The following CNTNAP3 variants were observed in gnomAD, a reference collection of about 807,000 sequenced individuals.
The protein encoded by CNTNAP3 is contactin associated protein family member 3, also known as contactin-associated protein-like 3.
In CNTNAP3, 36 loss-of-function variants were observed where a neutral mutation model predicts 92.1. The ratio of observed to expected loss-of-function variants is 0.39; its 90% CI spans 0.30 to 0.52. CNTNAP3 has a LOEUF of 0.52. CNTNAP3 is among the 20% of genes least tolerant of loss of function. The pLI, the probability that CNTNAP3 is intolerant of heterozygous loss-of-function variation, is 0.76. For synonymous variants in CNTNAP3, 232 were observed against 422.3 expected, an observed-to-expected ratio of 0.55 and a Z score of 5.53; for missense variants, 534 against 1,069.6, an observed-to-expected ratio of 0.50 and a Z score of 6.98.
rs1434270207 is a variant in CNTNAP3 at position 39,067,113 on chromosome 9, C to T, written c.*6777G>A. Among the ~76,000 whole-genome samples, 1 of 152,238 alleles carries T rather than the reference C, an allele frequency of 6.6e-6. No individual in the cohort carries two copies. Among genetic ancestry groups the T allele is most frequent in the Non-Finnish European group, 1.5e-5 (1 of 68,048 alleles). Reference sequence around the variant, plus strand: ...ATATATTCAAGTTTATTAATATTTTCTTCTGAAAACTCTCATCTGCCATTA... The same window carrying T: ...ATATATTCAAGTTTATTAATATTTTTTTCTGAAAACTCTCATCTGCCATTA... On this transcript the variant is annotated 3_prime_UTR_variant, in exon 24 of 24. Transcript: ENST00000297668.
chr9:39,096,883 C>A (rs1487188507), intron 18 of CNTNAP3, among the ~76,000 whole-genome samples: 1 of 147,514 alleles, frequency 6.8e-6, no homozygotes, highest in Admixed American at 6.7e-5. Flanking sequence ...ATCTGTATTT[C>A]ACTGAGTTTC....
chr9:39,122,728 CAATA>C (rs1174005080), intron 13 of CNTNAP3, among the ~76,000 whole-genome samples: 1 of 152,142 alleles, frequency 6.6e-6, no homozygotes, highest in Non-Finnish European at 1.5e-5. Context: ...TAAAGCCAAA[CAATA>C]CAGTCTTATG....
intron 13 of CNTNAP3, among the ~76,000 whole-genome samples, chr9:39,125,240 C>G (rs1297676488): frequency 1.3e-5 from 2 of 151,984 alleles, no homozygotes; most frequent in African/African-American, 2.4e-5. Flanking sequence ...CCATCATTCT[C>G]AGCAAACTAC....
chr9:39,116,762 T>C (rs1319596033), intron 14 of CNTNAP3, among the ~76,000 whole-genome samples: 2 of 152,142 alleles, frequency 1.3e-5, no homozygotes, highest in East Asian at 3.9e-4. Flanking sequence ...AAATGTATAG[T>C]ATGTATTCTA....
At chr9:39,116,926 T>G (rs1820872703) in intron 14 of CNTNAP3, among the ~76,000 whole-genome samples, 1 of 152,138 alleles carries the variant, frequency 6.6e-6, no homozygotes, top group Non-Finnish European at 1.5e-5. Flanking sequence ...TTAGATTAGC[T>G]ATTTTATGTC....
intron 13 of CNTNAP3, among the ~76,000 whole-genome samples, chr9:39,130,246 T>C (rs1821245898): frequency 6.6e-6 from 1 of 152,012 alleles, no homozygotes; most frequent in African/African-American, 2.4e-5. Context: ...ACAACCCAGA[T>C]GCCCTTCAAT....
At chr9:39,129,278 C>G (rs1312314567) in intron 13 of CNTNAP3, among the ~76,000 whole-genome samples, 2 of 152,294 alleles carry the variant, frequency 1.3e-5, no homozygotes, top group Non-Finnish European at 2.9e-5. Flanking sequence ...TTGGTGGAGG[C>G]ATATAAATTA....
rs1821478620 is a variant in CNTNAP3 at position 39,137,766 on chromosome 9, AG to A, written c.1876+2752del. Among the ~76,000 whole-genome samples, 3 of 152,262 alleles carry A rather than the reference AG, an allele frequency of 2.0e-5. No individual in the cohort carries two copies. In the South Asian group the frequency reaches 6.2e-4, roughly 32 times the overall value. ...CCTGACCTCGTGATCCACCTGCCTC[AG>A]CCTCCCACAGTGCTGGGATTACAGG... On this transcript the variant is annotated intron_variant, in intron 12 of 23. Coordinates refer to ENST00000297668, the MANE Select transcript of CNTNAP3 (RefSeq NM_033655.5).
chr9:39,122,144 G>C (rs1487581141), intron 13 of CNTNAP3, among the ~76,000 whole-genome samples: 1 of 152,140 alleles, frequency 6.6e-6, no homozygotes, highest in African/African-American at 2.4e-5. Flanking sequence ...CATGAGGTCA[G>C]GAGATCGAGA....
chr9:39,159,653 TAG>T (rs1563896007), intron 9 of CNTNAP3: 3 of 141,442 alleles, frequency 2.1e-5, no homozygotes, highest in Non-Finnish European at 4.5e-5. Flanking sequence ...GATAGATAGA[TAG>T]ATAGATAGAT....
chr9:39,106,059 A>G (rs377508664), intron 15 of CNTNAP3, among the ~76,000 whole-genome samples: 1 of 152,130 alleles, frequency 6.6e-6, no homozygotes, highest in East Asian at 1.9e-4. Flanking sequence ...CTGTATTTAC[A>G]TATTTGCTCA....
chr9:39,252,968 ACACT>A (rs1330457262), intron 2 of CNTNAP3, among the ~76,000 whole-genome samples: 175 of 7,172 alleles, frequency 0.024, 71 homozygotes, highest in African/African-American at 0.025. Flanking sequence ...ATATATACAC[ACACT>A]CACACTGACC....
intron 10 of CNTNAP3, among the ~76,000 whole-genome samples, chr9:39,148,899 C>A (rs1171924404): frequency 2.6e-5 from 4 of 152,120 alleles, no homozygotes; most frequent in African/African-American, 7.2e-5. Context: ...TGTACTAGGG[C>A]AAACTGTATG....
chr9:39,137,801 AC>A (rs1365235475), intron 12 of CNTNAP3, among the ~76,000 whole-genome samples: 4 of 151,958 alleles, frequency 2.6e-5, no homozygotes, highest in African/African-American at 9.7e-5. Context: ...GGCGTGAGCC[AC>A]CGTCTGTTTT....
At chr9:39,131,479 C>T (rs1587723593) in intron 13 of CNTNAP3, among the ~76,000 whole-genome samples, 1 of 151,732 alleles carries the variant, frequency 6.6e-6, no homozygotes, top group Admixed American at 6.6e-5. Flanking sequence ...AGGGATCACC[C>T]TGGGAAGGGA....
chr9:39,158,435 ATGATCCAGCATGG>A (rs1821999874), intron 9 of CNTNAP3, among the ~76,000 whole-genome samples: 1 of 93,860 alleles, frequency 1.1e-5, no homozygotes, highest in Non-Finnish European at 2.0e-5. Context: ...ATCCAGCATG[ATGATCCAGCATGG>A]TGATACATAA....
intron 18 of CNTNAP3, among the ~76,000 whole-genome samples, chr9:39,099,099 C>T (rs1474121506): frequency 6.6e-6 from 1 of 151,912 alleles, no homozygotes. Context: ...CTCAGCCTCC[C>T]GAGTAGCTGG....
chr9:39,119,234 T>C (rs564501358), intron 13 of CNTNAP3, among the ~76,000 whole-genome samples: 3 of 152,000 alleles, frequency 2.0e-5, no homozygotes, highest in Non-Finnish European at 4.4e-5. Context: ...CATTGGAATA[T>C]GAATTGAGAT....
In CNTNAP3 at chr9:39,120,810, T is replaced by G. The variant is rs182106731; in HGVS notation, c.2081-2551A>C. Among the ~76,000 whole-genome samples, 421 of 152,142 alleles carry G rather than the reference T, an allele frequency of 2.8e-3. 4 individuals carry two copies. Among genetic ancestry groups the G allele is most frequent in the African/African-American group, 9.6e-3 (397 of 41,508 alleles). Reference sequence around the variant, plus strand: ...AATATAACAAAGGATTCTTGGAACATCAGGAAAAAAATGAAAAGAGAAGAA... The same window carrying G: ...AATATAACAAAGGATTCTTGGAACAGCAGGAAAAAAATGAAAAGAGAAGAA... On this transcript the variant is annotated intron_variant, in intron 13 of 23. Transcript: ENST00000297668.
Sources: allele counts gnomAD v4.1 joint callset (sites outside exome capture counted in the v4.1 genomes callset), GRCh38; gene constraint gnomAD v4.1.1; transcripts MANE v1.5; gene names NCBI Gene and HGNC (gene_info 2026-07-23, HGNC 2026-07-21).